Variants in CORO2B observed in about 807,000 individuals in gnomAD.
CORO2B encodes coronin-2B.
Under a neutral mutation model 58.8 loss-of-function variants are expected in CORO2B, and 26 were observed. That is an observed-to-expected ratio of 0.44 (90% CI 0.32 to 0.61). The LOEUF is 0.61. CORO2B is among the 20% of genes least tolerant of loss of function. The pLI, the probability that CORO2B is intolerant of heterozygous loss-of-function variation, is 0.04. For synonymous variants in CORO2B, 242 were observed against 253.8 expected, an observed-to-expected ratio of 0.95 and a Z score of 0.44; for missense variants, 460 against 645.1, an observed-to-expected ratio of 0.71 and a Z score of 3.11.
At chr15:68,564,113 A>G in the CORO2B span, among the ~76,000 whole-genome samples, 1 of 152,204 alleles carries the variant, frequency 6.6e-6, no homozygotes, top group Non-Finnish European at 1.5e-5. Flanking sequence ...CTAAGTTCTA[A>G]AACTTAGACC....
At chr15:68,625,287 G>A (rs1002184387) in intron 1 of CORO2B, among the ~76,000 whole-genome samples, 3 of 150,108 alleles carry the variant, frequency 2.0e-5, no homozygotes, top group African/African-American at 4.9e-5. Context: ...TTTTTAACTC[G>A]GGTTCTTCGA....
At chr15:68,544,791 T>TTC in the CORO2B span, among the ~76,000 whole-genome samples, 1 of 141,892 alleles carries the variant, frequency 7.0e-6, no homozygotes. Flanking sequence ...TTTTTTTTTT[T>TTC]TTTGAGATGG....
intron 2 of CORO2B, among the ~76,000 whole-genome samples, chr15:68,669,661 A>C (rs1461118925): frequency 6.6e-6 from 1 of 152,202 alleles, no homozygotes; most frequent in Non-Finnish European, 1.5e-5. Context: ...CTTTCTAAAA[A>C]TATCAATCCA....
In CORO2B at chr15:68,670,885, G is replaced by A. The variant is rs191217969; in HGVS notation, c.217-24255G>A. Reference sequence around the variant, plus strand: ...GTAAATTAGTACAACCATTGTGAAAGGCATCTTAAAATTCATAACAAAAGC... The same window carrying A: ...GTAAATTAGTACAACCATTGTGAAAAGCATCTTAAAATTCATAACAAAAGC... On this transcript the variant is annotated intron_variant, in intron 2 of 11. Coordinates refer to ENST00000261861, the MANE Select transcript of CORO2B (RefSeq NM_006091.5). 1.3e-3 allele frequency among the ~76,000 whole-genome samples: 202 copies of A among 152,262 alleles called. 3 individuals carry two copies. Among genetic ancestry groups the A allele is most frequent in the Non-Finnish European group, 2.1e-4 (14 of 68,016 alleles).
chr15:68,683,999 AG>A (rs35025867), intron 2 of CORO2B, among the ~76,000 whole-genome samples: 27,200 of 152,088 alleles, frequency 0.18, 3,011 homozygotes, highest in Non-Finnish European at 0.24. Context: ...GACCCATTGA[AG>A]ATTTTGGAGC....
the CORO2B span, among the ~76,000 whole-genome samples, chr15:68,533,762 T>G: frequency 6.6e-6 from 1 of 152,330 alleles, no homozygotes; most frequent in East Asian, 1.9e-4. Context: ...ACAAGCATAA[T>G]GAAAATGTAT....
chr15:68,583,241 T>C (rs1032200691), intron 1 of CORO2B, among the ~76,000 whole-genome samples: 1 of 152,132 alleles, frequency 6.6e-6, no homozygotes, highest in Non-Finnish European at 1.5e-5. Flanking sequence ...CATGTGTCTC[T>C]AGGGCCCCTA....
chr15:68,650,973 A>G (rs1021055331), intron 2 of CORO2B, among the ~76,000 whole-genome samples: 6 of 151,948 alleles, frequency 3.9e-5, no homozygotes, highest in East Asian at 1.9e-4. Flanking sequence ...TCCCTTATGT[A>G]TGTTGCAAAT....
intron 8 of CORO2B, 150 bp from the exon 9 acceptor site, chr15:68,718,547 GC>G: frequency 4.7e-6 from 3 of 640,930 alleles, no homozygotes; most frequent in East Asian, 5.5e-5. Context: ...GATTGAAGGC[GC>G]CCCGGTCTAC....
chr15:68,604,426 T>C (rs573140517), intron 1 of CORO2B, among the ~76,000 whole-genome samples: 27 of 152,222 alleles, frequency 1.8e-4, no homozygotes, highest in Admixed American at 6.5e-4. Context: ...AGGGCAAAGA[T>C]TGCCATCACT....
At position 68,652,912 on chromosome 15, in the gene CORO2B, A is replaced by G. The variant is rs552107640; in HGVS notation, c.216+7552A>G. On this transcript the variant is annotated intron_variant, in intron 2 of 11. Transcript: ENST00000261861. ...AAGCATTTCTATAAATGTGCCTTGT[A>G]TTACTATTACTGCCATTTGGATGTC... 3.3e-5 allele frequency among the ~76,000 whole-genome samples: 5 copies of G among 152,296 alleles called. No homozygotes were observed. The South Asian group carries it at 1.0e-3, about 32-fold the overall frequency.
intron 2 of CORO2B, among the ~76,000 whole-genome samples, chr15:68,682,893 A>G (rs973481866): frequency 2.6e-5 from 4 of 152,174 alleles, no homozygotes; most frequent in African/African-American, 7.2e-5. Flanking sequence ...CTTTCACACT[A>G]CAGGAGAGGT....
chr15:68,714,492 C>G, intron 6 of CORO2B, 67 bp from the exon 7 acceptor site: 2 of 1,250,870 alleles, frequency 1.6e-6, no homozygotes, highest in Non-Finnish European at 2.3e-6. Context: ...AAGAGGCCTT[C>G]CTGGGATTTG....
chr15:68,648,652 A>C (rs1419423021), intron 2 of CORO2B, among the ~76,000 whole-genome samples: 7 of 152,268 alleles, frequency 4.6e-5, no homozygotes, highest in Non-Finnish European at 1.0e-4. Flanking sequence ...TCCGTCTCAA[A>C]AAAAAGAAAG....
At chr15:68,642,653 C>A (rs1344316334) in intron 1 of CORO2B, among the ~76,000 whole-genome samples, 1 of 152,168 alleles carries the variant, frequency 6.6e-6, no homozygotes, top group Non-Finnish European at 1.5e-5. Context: ...TTTCAGAAGA[C>A]CCTGGTATCA....
the CORO2B span, among the ~76,000 whole-genome samples, chr15:68,525,078 T>G: frequency 6.6e-6 from 1 of 152,212 alleles, no homozygotes; most frequent in African/African-American, 2.4e-5. Context: ...TGGGTATAAC[T>G]AAATCAGCCA....
chr15:68,637,277 A>T (rs1027133287), intron 1 of CORO2B, among the ~76,000 whole-genome samples: 12 of 152,154 alleles, frequency 7.9e-5, no homozygotes, highest in Admixed American at 3.9e-4. Flanking sequence ...GTCCACTGGG[A>T]ATTACTGCCC....
intron 2 of CORO2B, among the ~76,000 whole-genome samples, chr15:68,651,320 A>T (rs1017583403): frequency 1.1e-4 from 16 of 152,194 alleles, no homozygotes; most frequent in Non-Finnish European, 2.1e-4. Flanking sequence ...AGGTTGGTGC[A>T]GGGGGTGCGG....
chr15:68,621,466 G>A (rs10152829), intron 1 of CORO2B, among the ~76,000 whole-genome samples: 2,463 of 152,316 alleles, frequency 0.016, 70 homozygotes, highest in African/African-American at 0.057. Flanking sequence ...AGGAGGAGAT[G>A]AGGAGGAGGC....
Sources: allele counts gnomAD v4.1 joint callset (sites outside exome capture counted in the v4.1 genomes callset), GRCh38; gene constraint gnomAD v4.1.1; transcripts MANE v1.5; gene names NCBI Gene and HGNC (gene_info 2026-07-23, HGNC 2026-07-21).